The following KIFC3 variants were observed in gnomAD, a reference collection of about 807,000 sequenced individuals.
KIFC3 encodes the protein kinesin family member C3.
Under a neutral mutation model 101.8 loss-of-function variants are expected in KIFC3, and 60 were observed. The observed-to-expected ratio is 0.59, with a 90% CI of 0.48 to 0.73. The LOEUF (loss-of-function observed/expected upper bound fraction) is 0.73, where lower values mean the gene tolerates loss of function less well. KIFC3 is among the 30% of genes least tolerant of loss of function. The pLI is 0.00. For synonymous variants in KIFC3, 476 were observed against 482.7 expected (o/e 0.99, Z 0.18); for missense variants, 966 against 1,137.1 (o/e 0.85, Z 2.16).
At chr16:57,837,579 A>AAGAAAGAAAGAAAGAAAGAAAGAG (rs1567332638) in intron 1 of KIFC3, among the ~76,000 whole-genome samples, 1 of 151,502 alleles carries the variant, frequency 6.6e-6, no homozygotes, top group African/African-American at 2.4e-5. Flanking sequence ...GAAAGAAAGA[A>AAGAAAGAAAGAAAGAAAGAAAGAG]AGAGTAGCAG....
intron 3 of KIFC3, chr16:57,781,902 C>A (rs2052779104): frequency 1.0e-6 from 1 of 983,876 alleles, no homozygotes. Context: ...CTGACCCTTG[C>A]AGAACCCTCA....
upstream of KIFC3, chr16:57,803,108 A>G: frequency 1.5e-6 from 2 of 1,357,434 alleles, no homozygotes; most frequent in Non-Finnish European, 2.0e-6. Context: ...CTACCTCTGC[A>G]CCCCCAGCCC....
At chr16:57,832,373 G>T (rs1196012470) in intron 1 of KIFC3, among the ~76,000 whole-genome samples, 1 of 117,494 alleles carries the variant, frequency 8.5e-6, no homozygotes, top group Non-Finnish European at 1.6e-5. Flanking sequence ...GCCCAAGCTA[G>T]AACGCATCAG....
chr16:57,862,211 T>C (rs1362627352), intron 1 of KIFC3, among the ~76,000 whole-genome samples: 3 of 133,614 alleles, frequency 2.2e-5, no homozygotes, highest in African/African-American at 5.4e-5. Flanking sequence ...TTTTTTTTTT[T>C]AGTACAGACA....
At chr16:57,815,672 A>C in intron 1 of KIFC3, 1 of 1,283,744 alleles carries the variant, frequency 7.8e-7, no homozygotes, top group South Asian at 1.2e-5. Flanking sequence ...TTCCTGCTAA[A>C]CACTCCACTC....
chr16:57,825,293 C>A (rs1328601683), intron 1 of KIFC3, among the ~76,000 whole-genome samples: 1 of 152,256 alleles, frequency 6.6e-6, no homozygotes, highest in Non-Finnish European at 1.5e-5. Flanking sequence ...CCCTCCCCAA[C>A]AAATGCCAAG....
At chr16:57,778,861 G>A (rs1375856661) in intron 3 of KIFC3, among the ~76,000 whole-genome samples, 5 of 152,162 alleles carry the variant, frequency 3.3e-5, no homozygotes, top group Middle Eastern at 3.4e-3. Flanking sequence ...GACCATGAAC[G>A]GCCACTGCAC....
In KIFC3 at chr16:57,828,395, A is replaced by G. The variant is rs371004109; in HGVS notation, c.109-30113T>C. Among the ~76,000 whole-genome samples the G allele has an allele frequency of 1.8e-3, 267 of 152,336 alleles. 4 individuals are homozygous for G. Among genetic ancestry groups the G allele is most frequent in the African/African-American group, 6.2e-3 (259 of 41,578 alleles). ...CCCAGGCCCTCTCTGGGTGCTGCAC[A>G]TGGAGGCCTGTGTGCAGATGTGGCC... On this transcript the variant is annotated intron_variant, in intron 1 of 2. Transcript: ENST00000563028.
intron 1 of KIFC3, among the ~76,000 whole-genome samples, chr16:57,819,561 T>C (rs1201077528): frequency 6.6e-6 from 1 of 152,002 alleles, no homozygotes; most frequent in Non-Finnish European, 1.5e-5. Context: ...TTAAATTTTA[T>C]TTATTTATTT....
intron 1 of KIFC3, among the ~76,000 whole-genome samples, chr16:57,808,493 A>T (rs2149254285): frequency 6.6e-6 from 1 of 151,578 alleles, no homozygotes; most frequent in East Asian, 1.9e-4. Flanking sequence ...CCACTTCCTC[A>T]TTCACTTCTC....
chr16:57,811,249 C>T (rs180861744), intron 1 of KIFC3, among the ~76,000 whole-genome samples: 30 of 152,188 alleles, frequency 2.0e-4, no homozygotes, highest in Non-Finnish European at 3.7e-4. Context: ...TTCTTTGGGG[C>T]GTGATAAAAT....
intron 11 of KIFC3, 142 bp from the exon 12 acceptor site, chr16:57,764,389 T>C: frequency 1.6e-6 from 1 of 618,280 alleles, no homozygotes; most frequent in Non-Finnish European, 2.9e-6. Flanking sequence ...CAGCTCACAA[T>C]GATTCGTGAC....
intron 1 of KIFC3, among the ~76,000 whole-genome samples, chr16:57,831,265 G>A (rs542108530): frequency 3.3e-5 from 5 of 152,268 alleles, no homozygotes; most frequent in South Asian, 2.1e-4. Flanking sequence ...CTAACCCCAC[G>A]GGGGGTTCTC....
intron 3 of KIFC3, chr16:57,774,266 G>A (rs891815591): frequency 6.6e-6 from 1 of 152,356 alleles, no homozygotes; most frequent in Admixed American, 6.5e-5. Flanking sequence ...TTCTGCTTTC[G>A]TCCTAAAATT....
chr16:57,782,037 G>C (rs1243739853), intron 3 of KIFC3: 4 of 985,332 alleles, frequency 4.1e-6, no homozygotes, highest in Non-Finnish European at 4.8e-6. Flanking sequence ...TGTACCCCCT[G>C]GCGGGCTTTG....
chr16:57,772,091 C>G, intron 4 of KIFC3, 132 bp downstream of exon 4: 1 of 770,170 alleles, frequency 1.3e-6, no homozygotes. Flanking sequence ...ATAAGGCTCT[C>G]GGTGTGTTTC....
At chr16:57,811,805 A>G (rs2055081137) in intron 1 of KIFC3, among the ~76,000 whole-genome samples, 1 of 151,462 alleles carries the variant, frequency 6.6e-6, no homozygotes, top group South Asian at 2.1e-4. Context: ...AAACCCAGCT[A>G]CTTGGGAGGC....
chr16:57,798,335 G>A (rs1187217336), intron 1 of KIFC3, 53 bp from the exon 2 acceptor site: 12 of 1,472,822 alleles, frequency 8.1e-6, no homozygotes, highest in Non-Finnish European at 1.1e-5. Flanking sequence ...CAGCACAACT[G>A]CACCTCGGGC....
chr16:57,758,989 G>T, intron 19 of KIFC3, 80 bp from the exon 20 acceptor site: 1 of 1,536,730 alleles, frequency 6.5e-7, no homozygotes. Flanking sequence ...GAGCAGGAGG[G>T]AACCCAGCAA....
Sources: allele counts gnomAD v4.1 joint callset (sites outside exome capture counted in the v4.1 genomes callset), GRCh38; gene constraint gnomAD v4.1.1; transcripts MANE v1.5; gene names NCBI Gene and HGNC (gene_info 2026-07-23, HGNC 2026-07-21).